B4GALT1: variants seen among roughly 807,000 people sequenced by gnomAD.
B4GALT1 encodes the protein beta-1,4-galactosyltransferase 1, also known as N-acetyllactosamine synthase.
B4GALT1 carries 16 observed loss-of-function variants against 34.9 expected under a neutral mutation model. The observed-to-expected ratio is 0.46, with a 90% confidence interval of 0.31 to 0.70. The LOEUF is 0.70. B4GALT1 is among the 30% of genes least tolerant of loss of function. The pLI is 0.05. For synonymous variants in B4GALT1, 221 were observed against 218.1 expected (o/e 1.01, Z -0.12); for missense variants, 445 against 530.5 (o/e 0.84, Z 1.58).
chr9:33,168,688 T>G (rs1279045992), upstream of B4GALT1, among the ~76,000 whole-genome samples: 1 of 152,246 alleles, frequency 6.6e-6, no homozygotes, highest in Non-Finnish European at 1.5e-5. Flanking sequence ...CTTCCCCAGT[T>G]GCTGAAGGCC....
At chr9:33,120,066 C>T (rs1839997482) in intron 3 of B4GALT1, among the ~76,000 whole-genome samples, 1 of 151,972 alleles carries the variant, frequency 6.6e-6, no homozygotes. Context: ...TGTTTGTAGT[C>T]CCAGCTACTC....
intron 1 of B4GALT1, among the ~76,000 whole-genome samples, chr9:33,155,095 G>A (rs1840577534): frequency 6.6e-6 from 1 of 152,182 alleles, no homozygotes; most frequent in Admixed American, 6.5e-5. Context: ...ATGCTGAGCA[G>A]GAGTACATGG....
intron 2 of B4GALT1, among the ~76,000 whole-genome samples, chr9:33,130,360 GCTT>G (rs1014623343): frequency 6.6e-6 from 1 of 151,774 alleles, no homozygotes; most frequent in African/African-American, 2.4e-5. Context: ...TCCTTCTGTT[GCTT>G]CTTTTCTTGC....
At chr9:33,172,986 G>A in the B4GALT1 span, among the ~76,000 whole-genome samples, 21 of 152,142 alleles carry the variant, frequency 1.4e-4, no homozygotes, top group South Asian at 3.9e-3. Context: ...AAGCCCAGGA[G>A]AGCAAAAAGG....
At chr9:33,122,931 G>A (rs1435168527) in intron 2 of B4GALT1, among the ~76,000 whole-genome samples, 4 of 152,118 alleles carry the variant, frequency 2.6e-5, no homozygotes, top group African/African-American at 9.7e-5. Flanking sequence ...ATCACTTGAG[G>A]TCAGGAGTTC....
chr9:33,180,847 G>A, the B4GALT1 span, among the ~76,000 whole-genome samples: 1 of 152,180 alleles, frequency 6.6e-6, no homozygotes, highest in Non-Finnish European at 1.5e-5. Context: ...AAAATAAGAT[G>A]GGGGATTGCC....
chr9:33,181,962 CTT>C, the B4GALT1 span, among the ~76,000 whole-genome samples: 7,116 of 142,114 alleles, frequency 0.05, 181 homozygotes, highest in Non-Finnish European at 0.066. Flanking sequence ...TCTTTTCTTT[CTT>C]TTTTTTTTTT....
the B4GALT1 span, among the ~76,000 whole-genome samples, chr9:33,181,760 TA>T: frequency 6.6e-6 from 1 of 152,130 alleles, no homozygotes; most frequent in Middle Eastern, 3.2e-3. Flanking sequence ...AAATGTTGAG[TA>T]AAAGGCTTTT....
In B4GALT1 at chr9:33,113,855, A is replaced by G. The variant is rs1839901614; in HGVS notation, c.983T>C (p.Ile328Thr). 2 of 1,614,096 alleles carry G rather than the reference A, an allele frequency of 1.2e-6. No individual in the cohort carries two copies. Among genetic ancestry groups the G allele is most frequent in the Non-Finnish European group, 1.7e-6 (2 of 1,180,042 alleles). ...CCCGACCACAGCATTTGGGCGAGAT[A>G]TAGACATGCCTCTAAAAACTAATCT... ...FNRLVFRGMS[I>T]SRPNAVVGRC... The change falls in exon 5 of 6, where the codon ATA (isoleucine) becomes ACA (threonine). Residue 328 changes from isoleucine to threonine, a missense_variant. Transcript: ENST00000379731.
intron 2 of B4GALT1, among the ~76,000 whole-genome samples, chr9:33,124,035 G>T (rs547124835): frequency 6.6e-6 from 1 of 152,182 alleles, no homozygotes; most frequent in Non-Finnish European, 1.5e-5. Context: ...ACTTTAGCAG[G>T]TGCTATCATC....
At chr9:33,149,957 G>A (rs990434465) in intron 1 of B4GALT1, among the ~76,000 whole-genome samples, 2 of 152,090 alleles carry the variant, frequency 1.3e-5, no homozygotes, top group East Asian at 3.8e-4. Flanking sequence ...TACCATCAAG[G>A]CTATTATTGG....
At position 33,143,027 on chromosome 9, in the gene B4GALT1, C is replaced by G. The variant is rs572596477; in HGVS notation, c.413-7603G>C. Among the ~76,000 whole-genome samples, 5 of 152,280 alleles carry G rather than the reference C, an allele frequency of 3.3e-5. No homozygotes were observed. The East Asian group carries it at 9.6e-4, about 29-fold the overall frequency. On this transcript the variant is annotated intron_variant, in intron 1 of 5. Coordinates refer to ENST00000379731, the MANE Select transcript of B4GALT1 (RefSeq NM_001497.4). ...GGGCGTGGTGGCACTTGCCTGTGAT[C>G]CCAGCTACCTGGGAGGCTGAGGCAG...
In B4GALT1 at chr9:33,120,429, A is replaced by G. The variant is rs1174637970; in HGVS notation, c.826T>C (p.Phe276Leu). The G allele has an allele frequency of 6.2e-7, 1 of 1,613,120 alleles. No homozygotes were observed. Among genetic ancestry groups the G allele is most frequent in the Non-Finnish European group, 8.5e-7 (1 of 1,180,014 alleles). ...CTGAGTATCTCTTACCTGAATCCAAACTTATCCATTGCAACGGAAATGTGC... is the reference window on the plus strand; with the variant it reads ...CTGAGTATCTCTTACCTGAATCCAAGCTTATCCATTGCAACGGAAATGTGC... ...PRHISVAMDK[F>L]GFSLPYVQYF... The change falls in exon 3 of 6, where the codon TTT (phenylalanine) becomes CTT (leucine). Residue 276 changes from phenylalanine (F) to leucine (L), a missense_variant. Physicochemically the swap from Phe to Leu is conservative, Grantham distance 22. This residue lies in a region of B4GALT1 where 349 missense variants were observed against 395.5 expected (regional missense o/e 0.88). Transcript: ENST00000379731.
At chr9:33,125,641 GC>G (rs1338813251) in intron 2 of B4GALT1, among the ~76,000 whole-genome samples, 5 of 146,446 alleles carry the variant, frequency 3.4e-5, no homozygotes, top group Admixed American at 2.1e-4. Flanking sequence ...CTTGCAAGCA[GC>G]CTTTGTAGGG....
chr9:33,184,155 A>G, the B4GALT1 span, among the ~76,000 whole-genome samples: 1,409 of 152,134 alleles, frequency 9.3e-3, 20 homozygotes, highest in African/African-American at 0.024. Flanking sequence ...GTATCCCAGA[A>G]CTTAAAGTAT....
chr9:33,111,250 CAAAAAAAAAA>C lies in B4GALT1; in HGVS notation c.*2194_*2203del, dbSNP rs751351046. The C allele has an allele frequency of 4.1e-3, 199 of 48,862 alleles. 1 individual carries two copies. The highest frequency in any genetic ancestry group is 0.022 in the African/African-American group (184 of 8,420). 3.0% of individuals were successfully genotyped at this position (48,862 alleles called of 1,614,324 possible). A position where few individuals can be genotyped will look rare whatever the true frequency, so the allele number is the denominator to read the frequency against. On this transcript the variant is annotated 3_prime_UTR_variant, in exon 6 of 6. Coordinates refer to ENST00000379731, the MANE Select transcript of B4GALT1 (RefSeq NM_001497.4). ...TACTTGACATGAATGAGAAGGTAAC[CAAAAAAAAAA>C]AAAAAAAAAAAAAAAAAACAACAAG...
At chr9:33,131,682 A>T (rs1840195481) in intron 2 of B4GALT1, among the ~76,000 whole-genome samples, 1 of 152,222 alleles carries the variant, frequency 6.6e-6, no homozygotes, top group Non-Finnish European at 1.5e-5. Flanking sequence ...GGCTATAAAG[A>T]GGGCTAACAG....
rs144694679 is a variant in B4GALT1, at chr9:33,141,907, G to A, written c.413-6483C>T. ...TGGAGAGCCACCAGAAGGGACTCTC[G>A]ATTCTCACGTGAAGCATTTTGCACT... On this transcript the variant is annotated intron_variant, in intron 1 of 5. Transcript: ENST00000379731. 4.4e-3 allele frequency among the ~76,000 whole-genome samples: 670 copies of A among 152,300 alleles called. 8 individuals carry two copies. Among genetic ancestry groups the A allele is most frequent in the African/African-American group, 0.015 (643 of 41,562 alleles).
At chr9:33,175,587 G>T in the B4GALT1 span, among the ~76,000 whole-genome samples, 1 of 152,132 alleles carries the variant, frequency 6.6e-6, no homozygotes, top group Non-Finnish European at 1.5e-5. Flanking sequence ...TAATAAAGCT[G>T]CCCTGTACAT....
Sources: gnomAD v4.1 joint callset for allele counts (sites outside exome capture counted in the v4.1 genomes callset) on GRCh38, gnomAD v4.1.1 for gene constraint, gnomAD v4.1.1 regional missense constraint, MANE v1.5 for transcripts, NCBI Gene and HGNC (gene_info 2026-07-23, HGNC 2026-07-21) for gene names.